Variants in DYNC2H1 observed in about 807,000 individuals in gnomAD.
DYNC2H1 encodes the protein dynein cytoplasmic 2 heavy chain 1, also known as cytoplasmic dynein 2 heavy chain 1.
DYNC2H1 carries 410 observed loss-of-function variants against 570.0 expected under a neutral mutation model. The ratio of observed to expected loss-of-function variants is 0.72; its 90% CI spans 0.66 to 0.78. The LOEUF is 0.78. Among genes scored for constraint, DYNC2H1 ranks in the 30% least tolerant of loss-of-function variants. The probability of loss-of-function intolerance (pLI) is 0.00; values close to 1 mark genes in which losing one functional copy is unlikely to be tolerated. For missense variants in DYNC2H1, 4,865 were observed against 5,046.4 expected (o/e 0.96, Z 1.09); for synonymous variants, 1,688 against 1,677.6 (o/e 1.01, Z -0.15).
In DYNC2H1 at chr11:103,143,277, G is replaced by A; in HGVS notation, c.2584G>A (p.Val862Ile). ...TTCTTTCTTTAAATAGGAATGGATT[G>A]TAATTGGGCAAGTTGATATGGAAGC... Reference protein sequence around the residue: ...AVLHQHKEWIVIGQVDMEALV... With the variant: ...AVLHQHKEWIIIGQVDMEALV... Residue 862 changes from valine to isoleucine, a missense_variant, in exon 18 of 89, where the codon GTA (valine) becomes ATA (isoleucine). Physicochemically the swap from Val to Ile is conservative, Grantham distance 29. Around this residue, in one of 5 missense-constraint regions of DYNC2H1, gnomAD observed 1,936 missense variants for 1,962.1 expected, o/e 0.99. Transcript: ENST00000375735. 1.2e-6 allele frequency: 2 copies of A among 1,613,178 alleles called. No homozygotes were observed. Among genetic ancestry groups the A allele is most frequent in the South Asian group, 2.2e-5 (2 of 90,978 alleles).
Position 103,204,778 on chromosome 11 carries a change from G to A in DYNC2H1, c.8312-44G>A, listed in dbSNP as rs780017956. The A allele has an allele frequency of 2.7e-5, 41 of 1,513,854 alleles. No homozygotes were observed. The highest frequency in any genetic ancestry group is 4.2e-5 in the African/African-American group (3 of 71,854). The allele number at this position is 1,513,854 out of a possible 1,614,324, so 93.8% of individuals were successfully genotyped here. On this transcript the variant is annotated intron_variant, in intron 51 of 88. Transcript: ENST00000375735. This position sits in a 1 kb window ranked among gnomAD's most constrained non-coding sequence, Gnocchi z 4.1. ...TTTTGATCTCTTTAACCCAGACCAC[G>A]TATAGATTGCCTGATTGTATTATTA... is the stretch of plus-strand genomic sequence containing the variant.
chr11:103,416,603 G>C (rs185964269), intron 84 of DYNC2H1, among the ~76,000 whole-genome samples: 3 of 152,268 alleles, frequency 2.0e-5, no homozygotes, highest in Admixed American at 6.5e-5. Flanking sequence ...AAACTGGCTA[G>C]CCATATACAG....
chr11:103,129,681 CA>C lies in DYNC2H1; in HGVS notation c.1953+685del, dbSNP rs201616295. On this transcript the variant is annotated intron_variant, in intron 13 of 88. Transcript: ENST00000375735. This position sits in a 1 kb window ranked among gnomAD's most constrained non-coding sequence, Gnocchi z 4.1. The stretch of plus-strand genomic sequence containing the variant: ...CCTGGGAGACAGAGCGACTCCATCT[CA>C]AAAAAAAAGAAAAAAAAGAAAGAAA... Among the ~76,000 whole-genome samples, 2 of 144,014 alleles carry C rather than the reference CA, an allele frequency of 1.4e-5. No homozygotes were observed. Among genetic ancestry groups the C allele is most frequent in the Admixed American group, 7.0e-5 (1 of 14,358 alleles). 94.5% of individuals were successfully genotyped at this position (144,014 alleles called of 152,430 possible).
At chr11:103,329,640 T>C (rs72975692) in intron 82 of DYNC2H1, among the ~76,000 whole-genome samples, 9,942 of 152,218 alleles carry the variant, frequency 0.065, 345 homozygotes, top group Non-Finnish European at 0.077. Flanking sequence ...TTTTCTGTAC[T>C]CTCTTACAGG....
At chr11:103,336,236 A>G (rs1939118335) in intron 82 of DYNC2H1, among the ~76,000 whole-genome samples, 1 of 152,224 alleles carries the variant, frequency 6.6e-6, no homozygotes, top group African/African-American at 2.4e-5. Context: ...TAATGATCAA[A>G]TCAGGAGAAT....
intron 57 of DYNC2H1, 92 bp downstream of exon 57, chr11:103,220,875 T>G: frequency 7.8e-7 from 1 of 1,284,076 alleles, no homozygotes. Flanking sequence ...TTTTTCAAAA[T>G]GCACTTCATC....
intron 3 of DYNC2H1, among the ~76,000 whole-genome samples, chr11:103,114,476 C>T (rs538820306): frequency 5.3e-5 from 8 of 152,058 alleles, no homozygotes; most frequent in South Asian, 4.1e-4. Flanking sequence ...TACCACTATC[C>T]GCTGGCTAAT....
chr11:103,241,436 T>G lies in DYNC2H1; in HGVS notation c.9820-2257T>G, dbSNP rs1864418665. 2 of 1,184,616 alleles carry G rather than the reference T, an allele frequency of 1.7e-6. No individual in the cohort carries two copies. The highest frequency in any genetic ancestry group is 2.7e-5 in the South Asian group (2 of 73,316). 73.4% of individuals were successfully genotyped at this position (1,184,616 alleles called of 1,614,324 possible). ...GACGTAAAATAAGATGACAACAAAC[T>G]TTTAAGTACCCTTTGAAAAACTTAA... On this transcript the variant is annotated intron_variant, in intron 63 of 88. Transcript: ENST00000375735. This position sits in a 1 kb window ranked among gnomAD's most constrained non-coding sequence, Gnocchi z 5.1.
intron 83 of DYNC2H1, among the ~76,000 whole-genome samples, chr11:103,366,898 A>G (rs1403551665): frequency 6.6e-6 from 1 of 152,152 alleles, no homozygotes; most frequent in Non-Finnish European, 1.5e-5. Context: ...TAACTAAACA[A>G]TTTAGAAGAG....
chr11:103,159,077 G>T (rs763161044), intron 28 of DYNC2H1, 50 bp downstream of exon 28: 20 of 1,438,438 alleles, frequency 1.4e-5, no homozygotes, highest in Non-Finnish European at 1.8e-5. Context: ...TCAACTGTCT[G>T]CCAGGCCTAA....
chr11:103,110,391 C>A (rs1470997233), intron 1 of DYNC2H1, among the ~76,000 whole-genome samples: 3 of 151,800 alleles, frequency 2.0e-5, no homozygotes, highest in Non-Finnish European at 2.9e-5. Context: ...TTATTTTTTT[C>A]TCTCCCCTTT....
intron 70 of DYNC2H1, among the ~76,000 whole-genome samples, chr11:103,276,758 G>A (rs1282025722): frequency 6.6e-6 from 1 of 151,804 alleles, no homozygotes; most frequent in Non-Finnish European, 1.5e-5. Flanking sequence ...TAGACTTTTG[G>A]ATATTGTTAT....
chr11:103,409,972 T>G (rs1027296732), intron 84 of DYNC2H1, among the ~76,000 whole-genome samples: 2 of 152,138 alleles, frequency 1.3e-5, no homozygotes, highest in African/African-American at 4.8e-5. Context: ...TACCTTTATA[T>G]AAGATAAATG....
intron 88 of DYNC2H1, among the ~76,000 whole-genome samples, chr11:103,473,286 ATTT>A (rs35681061): frequency 0.025 from 3,356 of 136,810 alleles, 73 homozygotes; most frequent in African/African-American, 0.057. Context: ...CATGAAACAG[ATTT>A]TTTTTTTTTT....
chr11:103,312,110 G>A, intron 79 of DYNC2H1, 77 bp downstream of exon 79: 2 of 1,455,926 alleles, frequency 1.4e-6, no homozygotes, highest in Non-Finnish European at 1.9e-6. Context: ...GCCAGGCATG[G>A]TGGCTCATGC....
In DYNC2H1 at chr11:103,314,478, T is replaced by C. The variant is rs78487409; in HGVS notation, c.11650-2067T>C. Among the ~76,000 whole-genome samples the C allele has an allele frequency of 5.2e-3, 797 of 152,134 alleles. 9 individuals carry two copies. Among genetic ancestry groups the C allele is most frequent in the African/African-American group, 0.019 (770 of 41,520 alleles). ...ATATTCTTTTCAACTTTTGTGAATA[T>C]AAAAAAATGTTGCAATGGAGATCCC... On this transcript the variant is annotated intron_variant, in intron 79 of 88. Transcript: ENST00000375735.
At chr11:103,255,388 A>G (rs1375804689) in intron 66 of DYNC2H1, 27 bp from the exon 67 acceptor site, 2 of 1,541,688 alleles carry the variant, frequency 1.3e-6, no homozygotes, top group Admixed American at 4.1e-5. Flanking sequence ...TATTGCTAGA[A>G]TTACCTTGTC....
chr11:103,293,172 A>G (rs1227434211), intron 75 of DYNC2H1, among the ~76,000 whole-genome samples: 1 of 151,988 alleles, frequency 6.6e-6, no homozygotes, highest in African/African-American at 2.4e-5. Flanking sequence ...TGTTTGAAGA[A>G]TGATGTTGCT....
chr11:103,224,212 C>G (rs541238752), intron 59 of DYNC2H1, among the ~76,000 whole-genome samples: 3 of 151,504 alleles, frequency 2.0e-5, no homozygotes, highest in South Asian at 4.2e-4. Flanking sequence ...TATATTTTAT[C>G]TCTTTTGTTC....
Sources: gnomAD v4.1 joint callset for allele counts (sites outside exome capture counted in the v4.1 genomes callset) on GRCh38, gnomAD v4.1.1 for gene constraint, gnomAD v4.1.1 regional missense constraint, Gnocchi (gnomAD v3.1) non-coding constraint, MANE v1.5 for transcripts, NCBI Gene and HGNC (gene_info 2026-07-23, HGNC 2026-07-21) for gene names.